Variants in VTN observed in about 807,000 individuals in gnomAD.
VTN encodes the protein complement S-protein.
A neutral mutation model predicts 55.9 loss-of-function variants in VTN; 45 were observed. The ratio of observed to expected loss-of-function variants is 0.80; its 90% CI spans 0.63 to 1.03. VTN has a LOEUF of 1.03. Among genes scored for constraint, VTN ranks in the 50% least tolerant of loss-of-function variants. The pLI, the probability that VTN is intolerant of heterozygous loss-of-function variation, is 0.00. For missense variants in VTN, 589 were observed against 638.2 expected, an observed-to-expected ratio of 0.92 and a Z score of 0.83; for synonymous variants, 238 against 242.3, an observed-to-expected ratio of 0.98 and a Z score of 0.17.
chr17:28,367,573 A>T, intron 7 of VTN, 92 bp from the exon 8 acceptor site: 1 of 1,422,474 alleles, frequency 7.0e-7, no homozygotes, highest in Admixed American at 1.9e-5. Flanking sequence ...CAGAAGGGAA[A>T]GTGAACATCC....
In VTN at chr17:28,369,246, C is replaced by A; in HGVS notation, c.669+43G>T. On this transcript the variant is annotated intron_variant, in intron 4 of 7. Transcript: ENST00000226218. The surrounding 1 kb of genome is among the most constrained non-coding windows in gnomAD (Gnocchi z 5.3). Reference sequence around the variant, plus strand: ...GTCCCTGGGAGCAATAGCTCTCAAACCCTCCCTAGATGCTTTCTACCCTGG... The same window carrying A: ...GTCCCTGGGAGCAATAGCTCTCAAAACCTCCCTAGATGCTTTCTACCCTGG... 1 of 1,539,288 alleles carries A rather than the reference C, an allele frequency of 6.5e-7. No homozygotes were observed. Among genetic ancestry groups the A allele is most frequent in the South Asian group, 1.3e-5 (1 of 79,870 alleles).
At position 28,367,418 on chromosome 17, in the gene VTN, C is replaced by A; in HGVS notation, c.1388G>T (p.Arg463Leu). ...RVDTVDPPYP[R>L]SIAQYWLGCP... ...GCCCAGCCAGTACTGAGCGATGGAG[C>A]GTGGGTAGGGAGGGTCCACAGTGTC... The change falls in exon 8 of 8, where the codon CGC becomes CTC. Residue 463 changes from arginine (R) to leucine (L), a missense_variant. This residue lies in a region of VTN where 334 missense variants were observed against 328.2 expected (regional missense o/e 1.02). Transcript: ENST00000226218. The A allele has an allele frequency of 6.2e-7, 1 of 1,612,686 alleles. No individual in the cohort carries two copies. The highest frequency in any genetic ancestry group is 8.5e-7 in the Non-Finnish European group (1 of 1,179,644).
Position 28,369,048 on chromosome 17 carries a change from A to T in VTN, c.670-20T>A. 1.3e-6 allele frequency: 2 copies of T among 1,570,290 alleles called. No homozygotes were observed. Among genetic ancestry groups the T allele is most frequent in the Non-Finnish European group, 1.7e-6 (2 of 1,163,762 alleles). ...ACTACCCTAAGAGGTGGGGAAAGTG[A>T]AAAGGGGTATGGAGGCCGCTGGCTG... On this transcript the variant is annotated intron_variant, in intron 4 of 7. Transcript: ENST00000226218. This position sits in a 1 kb window ranked among gnomAD's most constrained non-coding sequence, Gnocchi z 5.3.
At chr17:28,368,294 C>A (rs1391655794) in intron 6 of VTN, among the ~76,000 whole-genome samples, 1 of 151,788 alleles carries the variant, frequency 6.6e-6, no homozygotes, top group African/African-American at 2.4e-5. Context: ...CACAGCCCCT[C>A]CCTCTGCTGG....
In VTN at chr17:28,368,633, A is replaced by G. The variant is rs894228945; in HGVS notation, c.867T>C (p.Ser289=). 1.2e-6 allele frequency: 2 copies of G among 1,613,882 alleles called. No individual in the cohort carries two copies. The highest frequency in any genetic ancestry group is 8.5e-7 in the Non-Finnish European group (1 of 1,180,010). ...YWEYQFQHQP[S]QEECEGSSLS... Reference sequence around the variant, plus strand: ...GGGAGCTGCCTTCACACTCCTCCTGACTGGGCTGGTGCTGGAACTGGTACT... The same window carrying G: ...GGGAGCTGCCTTCACACTCCTCCTGGCTGGGCTGGTGCTGGAACTGGTACT... The change falls in exon 6 of 8, where the codon AGT becomes AGC. Residue 289 remains serine (S), a synonymous_variant. Transcript: ENST00000226218.
chr17:28,369,984 G>A lies in VTN; in HGVS notation c.127C>T (p.Leu43Phe). 6 of 1,614,074 alleles carry A rather than the reference G, an allele frequency of 3.7e-6. No homozygotes were observed. Among genetic ancestry groups the A allele is most frequent in the Non-Finnish European group, 5.1e-6 (6 of 1,180,016 alleles). The change falls in exon 2 of 8, where the codon CTC becomes TTC. Residue 43 changes from leucine to phenylalanine, a missense_variant. Leu to Phe is a conservative substitution (Grantham distance 22, BLOSUM62 0). Around this residue, in one of 3 missense-constraint regions of VTN, gnomAD observed 217 missense variants for 241.3 expected, o/e 0.90. Transcript: ENST00000226218. The surrounding 1 kb of genome is among the most constrained non-coding windows in gnomAD (Gnocchi z 5.3). ...NVDKKCQCDE[L>F]CSYYQSCCTD... Reference sequence around the variant, plus strand: ...CAGCAGCTCTGGTAGTAAGAGCAGAGCTCGTCACACTGGCACTTCTTGTCC... The same window carrying A: ...CAGCAGCTCTGGTAGTAAGAGCAGAACTCGTCACACTGGCACTTCTTGTCC...
chr17:28,369,904 A>G lies in VTN; in HGVS notation c.184+23T>C, dbSNP rs781791270. 10 of 1,612,604 alleles carry G rather than the reference A, an allele frequency of 6.2e-6. No individual in the cohort carries two copies. The highest frequency in any genetic ancestry group is 1.3e-5 in the African/African-American group (1 of 74,984). On this transcript the variant is annotated intron_variant, in intron 2 of 7. Transcript: ENST00000226218. This position sits in a 1 kb window ranked among gnomAD's most constrained non-coding sequence, Gnocchi z 5.3. ...CCAGCAGCAGGGGGCACCCCAGCCC[A>G]CCCACCTGGGCTCTGAACACACCTT...
chr17:28,369,225 C>T lies in VTN; in HGVS notation c.669+64G>A. 6.6e-7 allele frequency: 1 copy of T among 1,526,374 alleles called. No homozygotes were observed. The highest frequency in any genetic ancestry group is 8.8e-7 in the Non-Finnish European group (1 of 1,136,270). The allele number at this position is 1,526,374 out of a possible 1,614,324, so 94.6% of individuals were successfully genotyped here. On this transcript the variant is annotated intron_variant, in intron 4 of 7. Coordinates refer to ENST00000226218, the MANE Select transcript of VTN (RefSeq NM_000638.4). The surrounding 1 kb of genome is among the most constrained non-coding windows in gnomAD (Gnocchi z 5.3). ...TCCAGCTTCCCTGTCCACCCTGTCC[C>T]TGGGAGCAATAGCTCTCAAACCCTC...
Position 28,367,375 on chromosome 17 carries a change from A to C in VTN, c.1431T>G (p.His477Gln). ...GCCATGTGGGCTCTGACTCCTACAG[A>C]TGGCCAGGAGCTGGGCAGCCCAGCC... ...QYWLGCPAPG[H>Q]L The change falls in exon 8 of 8, where the codon CAT (histidine) becomes CAG (glutamine). Residue 477 changes from histidine (H) to glutamine (Q), a missense_variant. By Grantham distance (24) the His-to-Gln change is conservative. Around this residue, in one of 3 missense-constraint regions of VTN, gnomAD observed 334 missense variants for 328.2 expected, o/e 1.02. Transcript: ENST00000226218. 2 of 1,588,926 alleles carry C rather than the reference A, an allele frequency of 1.3e-6. No individual in the cohort carries two copies. The highest frequency in any genetic ancestry group is 1.9e-5 in the Admixed American group (1 of 53,610).
Position 28,367,537 on chromosome 17 carries a change from T to G in VTN, c.1325-56A>C, listed in dbSNP as rs531307905. 14 of 1,519,956 alleles carry G rather than the reference T, an allele frequency of 9.2e-6. No individual in the cohort carries two copies. The South Asian group carries it at 1.4e-4, about 15-fold the overall frequency. The allele number at this position is 1,519,956 out of a possible 1,614,324, so 94.2% of individuals were successfully genotyped here. ...GGCCCAGCCTGGCCCTGCCCACTCT[T>G]CCCTTGAGAAGTCTAGGGTCTCTCC... On this transcript the variant is annotated intron_variant, in intron 7 of 7. Coordinates refer to ENST00000226218, the MANE Select transcript of VTN (RefSeq NM_000638.4).
chr17:28,369,751 G>T lies in VTN; in HGVS notation c.285C>A (p.Gly95=). 2 of 1,613,952 alleles carry T rather than the reference G, an allele frequency of 1.2e-6. No homozygotes were observed. The highest frequency in any genetic ancestry group is 1.7e-6 in the Non-Finnish European group (2 of 1,180,010). ...CCTGGAGGTCAGAGGTCAGGGAGGG[G>T]CCCCCCACCTGTTCATGGACAGTGG... The part of the protein sequence containing the change: ...NNATVHEQVG[G]PSLTSDLQAQ... Residue 95 remains glycine, a synonymous_variant, in exon 3 of 8, where the codon GGC becomes GGA. Transcript: ENST00000226218. The surrounding 1 kb of genome is among the most constrained non-coding windows in gnomAD (Gnocchi z 5.3).
In VTN at chr17:28,368,552, G is replaced by A. The variant is rs143380142; in HGVS notation, c.948C>T (p.Ile316=). 6.2e-7 allele frequency: 1 copy of A among 1,613,938 alleles called. No homozygotes were observed. The highest frequency in any genetic ancestry group is 1.1e-5 in the South Asian group (1 of 91,088). The part of the protein sequence containing the change: ...AMMQRDSWED[I]FELLFWGRTS... ...TTCTGCCCCAGAAGAGAAGCTCGAAGATGTCCTCCCAGCTGTCCCGCTGCA... is the reference window on the plus strand; with the variant it reads ...TTCTGCCCCAGAAGAGAAGCTCGAAAATGTCCTCCCAGCTGTCCCGCTGCA... The change falls in exon 6 of 8, where the codon ATC becomes ATT. Residue 316 remains isoleucine, a synonymous_variant. Coordinates refer to ENST00000226218, the MANE Select transcript of VTN (RefSeq NM_000638.4).
Position 28,368,137 on chromosome 17 carries a change from C to T in VTN, c.980-78G>A, listed in dbSNP as rs2067922440. On this transcript the variant is annotated intron_variant, in intron 6 of 7. Transcript: ENST00000226218. Reference sequence around the variant, plus strand: ...TTCCAGCGGGGCCATTAGAGTTCATCTGCTGCACCTTGCCCAAAGACACAC... The same window carrying T: ...TTCCAGCGGGGCCATTAGAGTTCATTTGCTGCACCTTGCCCAAAGACACAC... 2.3e-6 allele frequency: 3 copies of T among 1,285,508 alleles called. No individual in the cohort carries two copies. The South Asian group carries it at 4.4e-5, about 19-fold the overall frequency. 79.6% of individuals were successfully genotyped at this position (1,285,508 alleles called of 1,614,324 possible).
Position 28,369,843 on chromosome 17 carries a change from C to T in VTN, c.193G>A (p.Gly65Arg), listed in dbSNP as rs184192380. The T allele has an allele frequency of 1.9e-5, 31 of 1,612,478 alleles. No individual in the cohort carries two copies. The highest frequency in any genetic ancestry group is 6.7e-5 in the Admixed American group (4 of 60,000). Reference sequence around the variant, plus strand: ...TCCTCCGGCATAGTGAACACATCCCCGCGAGTCACTGCAGAGAGTGGATGG... The same window carrying T: ...TCCTCCGGCATAGTGAACACATCCCTGCGAGTCACTGCAGAGAGTGGATGG... ...TAECKPQVTR[G>R]DVFTMPEDEY... is the part of the protein sequence containing the mutation. Residue 65 changes from glycine (G) to arginine (R), a missense_variant, in exon 3 of 8, where the codon GGG (glycine) becomes AGG (arginine). Gly to Arg is a moderately radical substitution (Grantham distance 125, BLOSUM62 -2). Around this residue, in one of 3 missense-constraint regions of VTN, gnomAD observed 217 missense variants for 241.3 expected, o/e 0.90. Transcript: ENST00000226218. This position sits in a 1 kb window ranked among gnomAD's most constrained non-coding sequence, Gnocchi z 5.3.
In VTN at chr17:28,369,163, C is replaced by T; in HGVS notation, c.669+126G>A. 1 of 1,500,726 alleles carries T rather than the reference C, an allele frequency of 6.7e-7. No homozygotes were observed. The highest frequency in any genetic ancestry group is 8.9e-7 in the Non-Finnish European group (1 of 1,122,552). 93.0% of individuals were successfully genotyped at this position (1,500,726 alleles called of 1,614,324 possible). On this transcript the variant is annotated intron_variant, in intron 4 of 7. Transcript: ENST00000226218. The surrounding 1 kb of genome is among the most constrained non-coding windows in gnomAD (Gnocchi z 5.3). ...CCTGGAGTCTTGGGGCTGCCCTGTG[C>T]TCACAGAGCTCCCACCAGGTCCTGC...
rs542206705 is a variant in VTN at position 28,367,448 on chromosome 17, C to G, written c.1358G>C (p.Arg453Pro). Residue 453 changes from arginine to proline, a missense_variant, in exon 8 of 8, where the codon CGA becomes CCA. By Grantham distance (103) the Arg-to-Pro change is moderately radical. Around this residue, in one of 3 missense-constraint regions of VTN, gnomAD observed 334 missense variants for 328.2 expected, o/e 1.02. Transcript: ENST00000226218. ...KYYRVNLRTR[R>P]VDTVDPPYPR... ...GTAGGGAGGGTCCACAGTGTCCACT[C>G]GCCGTGTGCGAAGATTGACTCGGTA... 6.2e-7 allele frequency: 1 copy of G among 1,613,676 alleles called. No homozygotes were observed. The highest frequency in any genetic ancestry group is 2.2e-5 in the East Asian group (1 of 44,880).
chr17:28,369,326 G>T lies in VTN; in HGVS notation c.632C>A (p.Thr211Asn). Residue 211 changes from threonine to asparagine, a missense_variant, in exon 4 of 8, where the codon ACC becomes AAC. Coordinates refer to ENST00000226218, the MANE Select transcript of VTN (RefSeq NM_000638.4). This position sits in a 1 kb window ranked among gnomAD's most constrained non-coding sequence, Gnocchi z 5.3. Reference protein sequence around the residue: ...GIEGPIDAAFTRINCQGKTYL... With the variant: ...GIEGPIDAAFNRINCQGKTYL... ...GGTCTTCCCCTGACAGTTGATGCGG[G>T]TGAAGGCGGCATCGATGGGGCCCTC... 6.2e-7 allele frequency: 1 copy of T among 1,605,890 alleles called. No individual in the cohort carries two copies. The highest frequency in any genetic ancestry group is 8.5e-7 in the Non-Finnish European group (1 of 1,173,870).
rs2067919113 is a variant in VTN, at chr17:28,367,915, T to C, written c.1124A>G (p.Asn375Ser). The C allele has an allele frequency of 1.9e-6, 3 of 1,611,396 alleles. No homozygotes were observed. The highest frequency in any genetic ancestry group is 2.5e-6 in the Non-Finnish European group (3 of 1,178,772). Residue 375 changes from asparagine to serine, a missense_variant, in exon 7 of 8, where the codon AAC becomes AGC. Asn to Ser is a conservative substitution (Grantham distance 46, BLOSUM62 1). Transcript: ENST00000226218. ...TCGTTGTGAACGGTAGCCTTTGCGGTTGCGATGCCTAAACCTTTGTTTCTT... is the reference window on the plus strand; with the variant it reads ...TCGTTGTGAACGGTAGCCTTTGCGGCTGCGATGCCTAAACCTTTGTTTCTT... ...LAKKQRFRHR[N>S]RKGYRSQRGH...
In VTN at chr17:28,368,017, C is replaced by G; in HGVS notation, c.1022G>C (p.Gly341Ala). ...QPQFISRDWHGVPGQVDAAMA... is the reference protein window; with the variant it reads ...QPQFISRDWHAVPGQVDAAMA... ...GGCTGCGTCCACTTGCCCTGGCACA[C>G]CGTGCCAGTCCCGGCTAATGAACTG... Residue 341 changes from glycine (G) to alanine (A), a missense_variant, in exon 7 of 8, where the codon GGT (glycine) becomes GCT (alanine). This residue lies in a region of VTN where 334 missense variants were observed against 328.2 expected (regional missense o/e 1.02). Coordinates refer to ENST00000226218, the MANE Select transcript of VTN (RefSeq NM_000638.4). 1.3e-6 allele frequency: 2 copies of G among 1,590,288 alleles called. No homozygotes were observed. The highest frequency in any genetic ancestry group is 1.8e-5 in the Admixed American group (1 of 56,244).
Sources: allele counts gnomAD v4.1 joint callset (sites outside exome capture counted in the v4.1 genomes callset), GRCh38; gene constraint gnomAD v4.1.1; regional missense constraint gnomAD v4.1.1; non-coding constraint Gnocchi (gnomAD v3.1); transcripts MANE v1.5; gene names NCBI Gene and HGNC (gene_info 2026-07-23, HGNC 2026-07-21).